Variants in LETM1 observed in about 807,000 individuals in gnomAD.
LETM1 encodes the protein leucine zipper and EF-hand containing transmembrane protein 1, also known as mitochondrial proton/calcium exchanger protein.
In LETM1, 50 loss-of-function variants were observed where a neutral mutation model predicts 74.5. That is an observed-to-expected ratio of 0.67 (90% CI 0.53 to 0.85). The LOEUF (loss-of-function observed/expected upper bound fraction) is 0.85, where lower values mean the gene tolerates loss of function less well. Ranked by LOEUF, LETM1 falls within the 40% of genes least tolerant of loss-of-function variation. The pLI is 0.00. For missense variants in LETM1, 824 were observed against 967.8 expected (o/e 0.85, Z 1.97); for synonymous variants, 446 against 407.1 (o/e 1.10, Z -1.15).
In LETM1 at chr4:1,822,994, C is replaced by G. The variant is rs113844459; in HGVS notation, c.1470G>C (p.Glu490Asp). Reference protein sequence around the residue: ...HREKELQKRSEVAKDFEPERV... With the variant: ...HREKELQKRSDVAKDFEPERV... ...GAGCAGGACCACCGCTTACCGCCAC[C>G]TCCGAGCGCTTCTGCAGCTCCTTCT... Residue 490 changes from glutamate (E) to aspartate (D), a missense_variant, in exon 9 of 14, where the codon GAG becomes GAC. Transcript: ENST00000302787. 12 of 1,584,828 alleles carry G rather than the reference C, an allele frequency of 7.6e-6. No individual in the cohort carries two copies. Among genetic ancestry groups the G allele is most frequent in the Non-Finnish European group, 9.5e-6 (11 of 1,162,916 alleles).
intron 3 of LETM1, among the ~76,000 whole-genome samples, chr4:1,837,221 G>A (rs372454522): frequency 2.0e-5 from 3 of 152,166 alleles, no homozygotes; most frequent in East Asian, 3.9e-4. Context: ...TAGTTCCTAC[G>A]TTTCCTGCGT....
At chr4:1,815,879 G>A (rs1711555276) in intron 12 of LETM1, 77 bp from the exon 13 acceptor site, 3 of 1,568,364 alleles carry the variant, frequency 1.9e-6, no homozygotes, top group Non-Finnish European at 1.7e-6. Context: ...ACCTGTGGCT[G>A]CAAGTGGTCA....
At position 1,814,156 on chromosome 4, in the gene LETM1, C is replaced by T. The variant is rs1310376754; in HGVS notation, c.*268G>A. 20 of 496,894 alleles carry T rather than the reference C, an allele frequency of 4.0e-5. No individual in the cohort carries two copies. The highest frequency in any genetic ancestry group is 3.5e-4 in the East Asian group (9 of 25,424). 30.8% of individuals were successfully genotyped at this position (496,894 alleles called of 1,614,324 possible). On this transcript the variant is annotated 3_prime_UTR_variant, in exon 14 of 14. Transcript: ENST00000302787. ...ATGGGGGCGCCTTCCTGCCTTGGCCCAGCCCAGCTGCCTCTGGAGCCAGGA... is the reference window on the plus strand; with the variant it reads ...ATGGGGGCGCCTTCCTGCCTTGGCCTAGCCCAGCTGCCTCTGGAGCCAGGA...
intron 1 of LETM1, among the ~76,000 whole-genome samples, chr4:1,851,673 C>T (rs1713075215): frequency 6.6e-6 from 1 of 152,190 alleles, no homozygotes; most frequent in Admixed American, 6.5e-5. Flanking sequence ...AGCTTTGGCC[C>T]CCACCTTTCT....
In LETM1 at chr4:1,841,658, A is replaced by T. The variant is rs537041898; in HGVS notation, c.283T>A (p.Phe95Ile). The change falls in exon 3 of 14, where the codon TTT becomes ATT. Residue 95 changes from phenylalanine to isoleucine, a missense_variant. Phe to Ile is a conservative substitution (Grantham distance 21). Around this residue, in one of 4 missense-constraint regions of LETM1, gnomAD observed 222 missense variants for 195.6 expected, o/e 1.14. Coordinates refer to ENST00000302787, the MANE Select transcript of LETM1 (RefSeq NM_012318.3). ...RAPWTSTSVGFVAVGPQCLPV... is the reference protein window; with the variant it reads ...RAPWTSTSVGIVAVGPQCLPV... ...AGGCACTGAGGTCCCACAGCCACAA[A>T]ACCCACAGAGGTAGAGGTCCATGGC... 8 of 1,614,162 alleles carry T rather than the reference A, an allele frequency of 5.0e-6. No individual in the cohort carries two copies. In the Admixed American group the frequency reaches 1.0e-4, roughly 20 times the overall value.
At chr4:1,822,069 C>T in intron 10 of LETM1, 112 bp downstream of exon 10, 2 of 1,119,350 alleles carry the variant, frequency 1.8e-6, no homozygotes, top group Non-Finnish European at 2.4e-6. Flanking sequence ...TCTCCTCTCA[C>T]TGAGGGCTAT....
At chr4:1,852,498 AC>A (rs1451210045) in intron 1 of LETM1, among the ~76,000 whole-genome samples, 1 of 151,924 alleles carries the variant, frequency 6.6e-6, no homozygotes, top group Non-Finnish European at 1.5e-5. Flanking sequence ...AAATCTCCAA[AC>A]CCTCTCGCCT....
intron 1 of LETM1, among the ~76,000 whole-genome samples, chr4:1,852,268 G>T (rs1017844141): frequency 4.6e-5 from 7 of 152,198 alleles, no homozygotes; most frequent in African/African-American, 1.7e-4. Context: ...TCAGATGTCA[G>T]CAATGGGCTC....
intron 8 of LETM1, 55 bp from the exon 9 acceptor site, chr4:1,823,186 T>C: frequency 6.6e-7 from 1 of 1,525,390 alleles, no homozygotes; most frequent in Non-Finnish European, 8.8e-7. Flanking sequence ...AGGCCCCTGC[T>C]GCCCCTCACC....
intron 1 of LETM1, among the ~76,000 whole-genome samples, chr4:1,851,924 T>C (rs1713083198): frequency 1.3e-5 from 2 of 152,234 alleles, no homozygotes; most frequent in African/African-American, 4.8e-5. Flanking sequence ...TGACGGCTTC[T>C]GTCCCCAGCT....
chr4:1,817,311 C>A (rs1399363421), intron 11 of LETM1, among the ~76,000 whole-genome samples: 1 of 146,634 alleles, frequency 6.8e-6, no homozygotes, highest in East Asian at 2.0e-4. Flanking sequence ...AATCCCAGAA[C>A]TTTGGGAGGC....
At chr4:1,850,644 G>C (rs111275196) in intron 1 of LETM1, among the ~76,000 whole-genome samples, 4 of 74,344 alleles carry the variant, frequency 5.4e-5, no homozygotes, top group African/African-American at 1.6e-4. Flanking sequence ...CTCTGTCTCA[G>C]AAAAAAAAAA....
chr4:1,853,071 C>A (rs768591679), intron 1 of LETM1, among the ~76,000 whole-genome samples: 41 of 152,150 alleles, frequency 2.7e-4, no homozygotes, highest in Admixed American at 6.5e-5. Flanking sequence ...CTGATGGGCA[C>A]GGCACAGTCC....
intron 9 of LETM1, 94 bp from the exon 10 acceptor site, chr4:1,822,406 C>T: frequency 2.3e-6 from 3 of 1,290,408 alleles, no homozygotes; most frequent in East Asian, 6.1e-5. Context: ...AGAGGCCACA[C>T]TGGGAGCAGG....
chr4:1,831,927 G>A (rs1234977221), intron 6 of LETM1, among the ~76,000 whole-genome samples: 2 of 152,228 alleles, frequency 1.3e-5, no homozygotes, highest in Admixed American at 1.3e-4. Context: ...GTGAACTAGA[G>A]TTAGTGCATT....
intron 6 of LETM1, among the ~76,000 whole-genome samples, chr4:1,827,246 G>A (rs1712023431): frequency 1.4e-5 from 2 of 142,472 alleles, no homozygotes; most frequent in Non-Finnish European, 1.5e-5. Flanking sequence ...CTATATTTTT[G>A]CTGGTTATAG....
chr4:1,851,547 G>A (rs907212030), intron 1 of LETM1, among the ~76,000 whole-genome samples: 2 of 152,204 alleles, frequency 1.3e-5, no homozygotes, highest in Admixed American at 6.5e-5. Context: ...ACTGGGAGCT[G>A]GGTTAAGGGG....
At chr4:1,823,911 G>A in intron 7 of LETM1, 136 bp from the exon 8 acceptor site, 6 of 1,028,840 alleles carry the variant, frequency 5.8e-6, no homozygotes, top group Non-Finnish European at 8.3e-6. Context: ...GTTTGTTGCT[G>A]TGCTGCGTGA....
chr4:1,824,246 G>A (rs1360467128), intron 7 of LETM1, among the ~76,000 whole-genome samples: 1 of 152,210 alleles, frequency 6.6e-6, no homozygotes, highest in African/African-American at 2.4e-5. Context: ...GCTTGAACCA[G>A]GGAGGCGGAG....
Sources: allele counts gnomAD v4.1 joint callset (sites outside exome capture counted in the v4.1 genomes callset), GRCh38; gene constraint gnomAD v4.1.1; regional missense constraint gnomAD v4.1.1; transcripts MANE v1.5; gene names NCBI Gene and HGNC (gene_info 2026-07-23, HGNC 2026-07-21).